The following BRD4 variants were observed in gnomAD, a reference collection of about 807,000 sequenced individuals.
BRD4 encodes bromodomain containing 4.
In BRD4, 16 loss-of-function variants were observed where a neutral mutation model predicts 142.1. That is an observed-to-expected ratio of 0.11 (90% CI 0.08 to 0.17). BRD4 has a LOEUF of 0.17. Among genes scored for constraint, BRD4 ranks in the 10% least tolerant of loss-of-function variants. The pLI is 1.00. For synonymous variants in BRD4, 833 were observed against 707.5 expected (o/e 1.18, Z -2.82); for missense variants, 1,424 against 1,810.9 (o/e 0.79, Z 3.88).
intron 1 of BRD4, among the ~76,000 whole-genome samples, chr19:15,308,687 AGG>A: frequency 1.3e-5 from 2 of 151,888 alleles, no homozygotes; most frequent in South Asian, 4.2e-4. Flanking sequence ...ATTTTTAAAA[AGG>A]GGGCAAAAAA....
Position 15,244,580 on chromosome 19 carries a change from CTGATGGTGG to C in BRD4, c.2223_2231del (p.His741_His743del). On this transcript the variant is annotated inframe_deletion, in exon 13 of 20. Coordinates refer to ENST00000679869, the MANE Select transcript of BRD4 (RefSeq NM_001379291.1). ...CAGGAGCCGGGGCCTGCTGCATCTG[CTGATGGTGG>C]TGATGATGGTGCTGCAGACAGAGAG... The C allele has an allele frequency of 6.2e-7, 1 of 1,609,720 alleles. No homozygotes were observed. Among genetic ancestry groups the C allele is most frequent in the Non-Finnish European group, 8.5e-7 (1 of 1,179,774 alleles).
chr19:15,320,933 C>T (rs1383583896), intron 1 of BRD4, among the ~76,000 whole-genome samples: 1 of 152,216 alleles, frequency 6.6e-6, no homozygotes, highest in African/African-American at 2.4e-5. Flanking sequence ...GTACATTTTA[C>T]TTTTAGTATA....
chr19:15,307,889 C>G (rs750606274), intron 1 of BRD4, among the ~76,000 whole-genome samples: 2 of 150,836 alleles, frequency 1.3e-5, no homozygotes, highest in African/African-American at 2.4e-5. Context: ...CCCTGGCGGG[C>G]GGATCGCTTG....
At position 15,236,166 on chromosome 19, in the gene BRD4, A is replaced by G. The variant is rs538337498; in HGVS notation, c.*2211T>C. On this transcript the variant is annotated 3_prime_UTR_variant, in exon 20 of 20. Transcript: ENST00000679869. ...CTTTCAGGTCAAAAAGAGGGGATGT[A>G]GGAGAATAAACAGTGCTAGAAATGT... 3.3e-5 allele frequency: 5 copies of G among 152,348 alleles called. No homozygotes were observed. Among genetic ancestry groups the G allele is most frequent in the Admixed American group, 2.6e-4 (4 of 15,296 alleles). 9.4% of individuals were successfully genotyped at this position (152,348 alleles called of 1,614,324 possible).
intron 3 of BRD4, among the ~76,000 whole-genome samples, chr19:15,267,928 A>C (rs932123271): frequency 6.6e-6 from 1 of 152,192 alleles, no homozygotes; most frequent in African/African-American, 2.4e-5. Context: ...GCCATGATAC[A>C]TTAGCAGGGC....
At chr19:15,284,814 C>T (rs1032597791) in intron 1 of BRD4, among the ~76,000 whole-genome samples, 66 of 152,346 alleles carry the variant, frequency 4.3e-4, no homozygotes, top group African/African-American at 1.5e-3. Flanking sequence ...CAGACGACTA[C>T]AGCTAAGGAA....
At position 15,237,103 on chromosome 19, in the gene BRD4, G is replaced by C. The variant is rs1269326820; in HGVS notation, c.*1274C>G. 1 of 210,068 alleles carries C rather than the reference G, an allele frequency of 4.8e-6. No individual in the cohort carries two copies. The highest frequency in any genetic ancestry group is 7.0e-5 in the East Asian group (1 of 14,310). 13.0% of individuals were successfully genotyped at this position (210,068 alleles called of 1,614,324 possible). On this transcript the variant is annotated 3_prime_UTR_variant, in exon 20 of 20. Coordinates refer to ENST00000679869, the MANE Select transcript of BRD4 (RefSeq NM_001379291.1). ...GGTAGGGGAGTCTCTGCCTTAGTCT[G>C]TGGCGCCCCCAGGGCCCGGTTCCCA...
At chr19:15,280,192 G>T in intron 1 of BRD4, 1 of 945,434 alleles carries the variant, frequency 1.1e-6, no homozygotes, top group Non-Finnish European at 1.3e-6. Flanking sequence ...GTGGATGGTG[G>T]CCTGGTTGGC....
rs201899245 is a variant in BRD4, at chr19:15,237,582, G to A, written c.*795C>T. 5.1e-6 allele frequency: 1 copy of A among 196,424 alleles called. No homozygotes were observed. The highest frequency in any genetic ancestry group is 7.3e-5 in the East Asian group (1 of 13,664). The allele number at this position is 196,424 out of a possible 1,614,324, so 12.2% of individuals were successfully genotyped here. A position where few individuals can be genotyped will look rare whatever the true frequency, so the allele number is the denominator to read the frequency against. Reference sequence around the variant, plus strand: ...GCCATTGTGTCTGGAGGAGAAGAGAGAATTAAAAATAAAATAGAATTCAAC... The same window carrying A: ...GCCATTGTGTCTGGAGGAGAAGAGAAAATTAAAAATAAAATAGAATTCAAC... On this transcript the variant is annotated 3_prime_UTR_variant, in exon 20 of 20. Transcript: ENST00000679869.
chr19:15,242,556 C>A (rs1382513857), intron 14 of BRD4, among the ~76,000 whole-genome samples: 1 of 152,126 alleles, frequency 6.6e-6, no homozygotes, highest in African/African-American at 2.4e-5. Flanking sequence ...GCGATCACTG[C>A]CTCTTGGAAG....
chr19:15,329,473 G>C (rs2048138214), intron 1 of BRD4, among the ~76,000 whole-genome samples: 1 of 152,180 alleles, frequency 6.6e-6, no homozygotes, highest in Non-Finnish European at 1.5e-5. Flanking sequence ...GGGCGCAGTG[G>C]CTCATGCCTG....
chr19:15,304,709 T>C (rs573110307), intron 1 of BRD4, among the ~76,000 whole-genome samples: 51 of 152,272 alleles, frequency 3.3e-4, no homozygotes, highest in African/African-American at 1.2e-3. Context: ...TACTGAGACA[T>C]GGGGCTCAAT....
Position 15,277,619 on chromosome 19 carries a change from C to CAA in BRD4, c.-34-4488_-34-4487dup, listed in dbSNP as rs67961221. Reference sequence around the variant, plus strand: ...CAACACAGTGCAACCCTATCTCTACCAAAAAAAAAAAAAAAAAAAAAGTAC... The same window carrying CAA: ...CAACACAGTGCAACCCTATCTCTACCAAAAAAAAAAAAAAAAAAAAAAAGTAC... On this transcript the variant is annotated intron_variant, in intron 1 of 19. Transcript: ENST00000679869. Among the ~76,000 whole-genome samples, 636 of 95,982 alleles carry CAA rather than the reference C, an allele frequency of 6.6e-3. 9 individuals are homozygous for CAA. Among genetic ancestry groups the CAA allele is most frequent in the African/African-American group, 0.017 (410 of 24,580 alleles). The allele number at this position is 95,982 out of a possible 152,430, so 63.0% of individuals were successfully genotyped here.
intron 1 of BRD4, among the ~76,000 whole-genome samples, chr19:15,326,847 T>C (rs2048112492): frequency 6.6e-6 from 1 of 152,160 alleles, no homozygotes; most frequent in Admixed American, 6.5e-5. Flanking sequence ...GTGCACGTGG[T>C]TTAATTGAGG....
intron 1 of BRD4, among the ~76,000 whole-genome samples, chr19:15,307,639 G>C (rs1296895412): frequency 6.6e-6 from 1 of 152,162 alleles, no homozygotes; most frequent in African/African-American, 2.4e-5. Flanking sequence ...AAAAAGCCTG[G>C]GCGCGGAAGT....
At chr19:15,268,565 A>T (rs1020943853) in intron 3 of BRD4, among the ~76,000 whole-genome samples, 7 of 152,070 alleles carry the variant, frequency 4.6e-5, no homozygotes, top group African/African-American at 1.4e-4. Flanking sequence ...ACATCACCCA[A>T]ATGGACTTTG....
In BRD4 at chr19:15,265,794, C is replaced by G. The variant is rs979727366; in HGVS notation, c.560-151G>C. 10 of 857,408 alleles carry G rather than the reference C, an allele frequency of 1.2e-5. No individual in the cohort carries two copies. The Admixed American group carries it at 1.8e-4, about 15-fold the overall frequency. 53.1% of individuals were successfully genotyped at this position (857,408 alleles called of 1,614,324 possible). A position where few individuals can be genotyped will look rare whatever the true frequency, so the allele number is the denominator to read the frequency against. On this transcript the variant is annotated intron_variant, in intron 4 of 19. Coordinates refer to ENST00000679869, the MANE Select transcript of BRD4 (RefSeq NM_001379291.1). ...ACATCCCAGACTCCACTCTGCCAAA[C>G]CCTTCCACCTGTCCCTGGGGCTCAA...
rs960331869 is a variant in BRD4 at position 15,272,733 on chromosome 19, C to T, written c.285+82G>A. ...GATTCCAAATGCATCTCCTACCCTC[C>T]CCCCAGGAACTGCCCTGACCAGGAG... On this transcript the variant is annotated intron_variant, in intron 2 of 19. Coordinates refer to ENST00000679869, the MANE Select transcript of BRD4 (RefSeq NM_001379291.1). 4 of 1,354,788 alleles carry T rather than the reference C, an allele frequency of 3.0e-6. No individual in the cohort carries two copies. The African/African-American group carries it at 4.3e-5, about 15-fold the overall frequency. 83.9% of individuals were successfully genotyped at this position (1,354,788 alleles called of 1,614,324 possible). A position where few individuals can be genotyped will look rare whatever the true frequency, so the allele number is the denominator to read the frequency against.
At chr19:15,250,388 T>C (rs1285978095) in intron 11 of BRD4, among the ~76,000 whole-genome samples, 1 of 152,198 alleles carries the variant, frequency 6.6e-6, no homozygotes, top group Non-Finnish European at 1.5e-5. Flanking sequence ...ACTAAGTCCC[T>C]CAAAGACCCT....
Sources: gnomAD v4.1 joint callset for allele counts (sites outside exome capture counted in the v4.1 genomes callset) on GRCh38, gnomAD v4.1.1 for gene constraint, MANE v1.5 for transcripts, NCBI Gene and HGNC (gene_info 2026-07-23, HGNC 2026-07-21) for gene names.